Variants in BTBD9 observed in about 807,000 individuals in gnomAD.
BTBD9 encodes BTB domain containing 9.
Under a neutral mutation model 64.3 loss-of-function variants are expected in BTBD9, and 49 were observed. The ratio of observed to expected loss-of-function variants is 0.76; its 90% CI spans 0.61 to 0.97. The LOEUF is 0.97. Ranked by LOEUF, BTBD9 falls within the 50% of genes least tolerant of loss-of-function variation. BTBD9 has a pLI of 0.00. For synonymous variants in BTBD9, 260 were observed against 274.7 expected, an observed-to-expected ratio of 0.95 and a Z score of 0.53; for missense variants, 598 against 762.1, an observed-to-expected ratio of 0.78 and a Z score of 2.53.
intron 10 of BTBD9, among the ~76,000 whole-genome samples, chr6:38,189,670 T>C (rs1238122992): frequency 9.8e-6 from 1 of 102,374 alleles, no homozygotes; most frequent in African/African-American, 3.2e-5. Context: ...GTTTTCTTTC[T>C]TTCTTTTTTT....
At chr6:38,412,077 T>C (rs531150724) in intron 6 of BTBD9, among the ~76,000 whole-genome samples, 1 of 152,208 alleles carries the variant, frequency 6.6e-6, no homozygotes, top group East Asian at 1.9e-4. Flanking sequence ...CCTATGTGAC[T>C]CATCATCCAG....
At chr6:38,181,369 A>ATG (rs1761546379) in intron 10 of BTBD9, among the ~76,000 whole-genome samples, 1 of 152,122 alleles carries the variant, frequency 6.6e-6, no homozygotes, top group African/African-American at 2.4e-5. Flanking sequence ...ATAGATATCT[A>ATG]CCTCTTGATG....
intron 6 of BTBD9, among the ~76,000 whole-genome samples, chr6:38,537,977 A>T (rs775492574): frequency 7.9e-5 from 12 of 152,210 alleles, no homozygotes; most frequent in Non-Finnish European, 1.5e-4. Context: ...CCATGAGGTC[A>T]TAAGAAAGAG....
chr6:38,529,358 T>A (rs1773673266), intron 6 of BTBD9, among the ~76,000 whole-genome samples: 1 of 152,118 alleles, frequency 6.6e-6, no homozygotes, highest in Non-Finnish European at 1.5e-5. Flanking sequence ...CCTCTATGAG[T>A]CTGCAAGACC....
chr6:38,333,182 C>G (rs1763746369), intron 7 of BTBD9, among the ~76,000 whole-genome samples: 1 of 152,128 alleles, frequency 6.6e-6, no homozygotes, highest in South Asian at 2.1e-4. Flanking sequence ...TCTATCATAT[C>G]CTTTTTCACT....
intron 6 of BTBD9, among the ~76,000 whole-genome samples, chr6:38,423,716 A>C (rs1768014969): frequency 6.6e-6 from 1 of 152,196 alleles, no homozygotes; most frequent in African/African-American, 2.4e-5. Context: ...AATTAACAAA[A>C]CTTGAAATCC....
chr6:38,623,709 C>T (rs972374131), intron 1 of BTBD9, among the ~76,000 whole-genome samples: 1 of 152,204 alleles, frequency 6.6e-6, no homozygotes, highest in African/African-American at 2.4e-5. Flanking sequence ...TGGCTTCTCC[C>T]CTTTCTAGGT....
At chr6:38,338,117 G>T (rs1458508612) in intron 7 of BTBD9, among the ~76,000 whole-genome samples, 1 of 152,168 alleles carries the variant, frequency 6.6e-6, no homozygotes, top group Non-Finnish European at 1.5e-5. Context: ...CCCCTTATCT[G>T]CAGGGGATAT....
At chr6:38,258,453 GCTT>G (rs1482628573) in intron 8 of BTBD9, among the ~76,000 whole-genome samples, 1 of 152,156 alleles carries the variant, frequency 6.6e-6, no homozygotes, top group African/African-American at 2.4e-5. Context: ...ATATGTGTTT[GCTT>G]CTTCTACCAG....
intron 6 of BTBD9, among the ~76,000 whole-genome samples, chr6:38,566,323 T>G (rs528061151): frequency 1.3e-5 from 2 of 151,576 alleles, no homozygotes; most frequent in Non-Finnish European, 3.0e-5. Context: ...AGAAGTCAAG[T>G]ATATGAATCT....
At chr6:38,200,288 A>G (rs921092894) in intron 9 of BTBD9, among the ~76,000 whole-genome samples, 4 of 152,264 alleles carry the variant, frequency 2.6e-5, no homozygotes, top group Non-Finnish European at 5.9e-5. Context: ...AGGGAAGTTT[A>G]CAGATTTAAG....
chr6:38,474,430 G>A (rs1451807420), intron 6 of BTBD9, among the ~76,000 whole-genome samples: 3 of 152,168 alleles, frequency 2.0e-5, no homozygotes, highest in African/African-American at 2.4e-5. Flanking sequence ...GGCTGAGACA[G>A]GAGAATTGCT....
chr6:38,477,187 T>G (rs1770922686), intron 6 of BTBD9, among the ~76,000 whole-genome samples: 1 of 152,228 alleles, frequency 6.6e-6, no homozygotes, highest in Non-Finnish European at 1.5e-5. Flanking sequence ...TAATCTGCGC[T>G]TTCTTTCTCT....
At chr6:38,469,527 A>C (rs9369062) in intron 6 of BTBD9, among the ~76,000 whole-genome samples, 38,537 of 151,892 alleles carry the variant, frequency 0.25, 5,865 homozygotes, top group East Asian at 0.52. Flanking sequence ...TTACCGTGTT[A>C]GTCAGGATGG....
At chr6:38,406,333 T>G (rs1370592923) in intron 6 of BTBD9, among the ~76,000 whole-genome samples, 1 of 152,182 alleles carries the variant, frequency 6.6e-6, no homozygotes, top group African/African-American at 2.4e-5. Flanking sequence ...GCCCGAGAAT[T>G]GATTGTGTGT....
intron 8 of BTBD9, among the ~76,000 whole-genome samples, chr6:38,264,887 T>C (rs1311180992): frequency 6.6e-6 from 1 of 152,140 alleles, no homozygotes; most frequent in Non-Finnish European, 1.5e-5. Flanking sequence ...GGCCTGCCTC[T>C]GAATGGGCCA....
intron 10 of BTBD9, chr6:38,179,448 A>G (rs1484326390): frequency 2.2e-6 from 1 of 456,654 alleles, no homozygotes; most frequent in Non-Finnish European, 4.4e-6. Flanking sequence ...GTGCTACAGA[A>G]GGTGGCAGCA....
chr6:38,349,845 T>C (rs1015879430), intron 6 of BTBD9, among the ~76,000 whole-genome samples: 1 of 152,072 alleles, frequency 6.6e-6, no homozygotes, highest in Non-Finnish European at 1.5e-5. Context: ...CTATGGGCCA[T>C]AGAAAGCAAG....
Position 38,170,516 on chromosome 6 carries a change from T to TTCA in BTBD9, c.*4466_*4468dup, listed in dbSNP as rs568817801. On this transcript the variant is annotated 3_prime_UTR_variant, in exon 11 of 11. Coordinates refer to ENST00000481247, the MANE Select transcript of BTBD9 (RefSeq NM_001099272.2). Reference sequence around the variant, plus strand: ...CTCCAAGCAAACCTTTTCCGCGCCCTTCACCATTCACTCTGCAAATGACCA... The same window carrying TTCA: ...CTCCAAGCAAACCTTTTCCGCGCCCTTCATCACCATTCACTCTGCAAATGACCA... 2 of 152,416 alleles carry TTCA rather than the reference T, an allele frequency of 1.3e-5. No homozygotes were observed. Among genetic ancestry groups the TTCA allele is most frequent in the African/African-American group, 4.8e-5 (2 of 41,556 alleles). 9.4% of individuals were successfully genotyped at this position (152,416 alleles called of 1,614,324 possible).
Sources: allele counts gnomAD v4.1 joint callset (sites outside exome capture counted in the v4.1 genomes callset), GRCh38; gene constraint gnomAD v4.1.1; transcripts MANE v1.5; gene names NCBI Gene and HGNC (gene_info 2026-07-23, HGNC 2026-07-21).